The following PACSIN2 variants were observed in gnomAD, a reference collection of about 807,000 sequenced individuals.
PACSIN2 encodes the protein protein kinase C and casein kinase substrate in neurons protein 2.
Under a neutral mutation model 63.8 loss-of-function variants are expected in PACSIN2, and 25 were observed. The ratio of observed to expected loss-of-function variants is 0.39; its 90% CI spans 0.29 to 0.55. The LOEUF (loss-of-function observed/expected upper bound fraction) is 0.55, where lower values mean the gene tolerates loss of function less well. PACSIN2 is among the 20% of genes least tolerant of loss of function. The pLI is 0.62. For synonymous variants in PACSIN2, 255 were observed against 256.2 expected (o/e 1.00, Z 0.05); for missense variants, 518 against 646.9 (o/e 0.80, Z 2.16).
chr22:42,996,990 C>T (rs927214699), intron 1 of PACSIN2, among the ~76,000 whole-genome samples: 1 of 152,172 alleles, frequency 6.6e-6, no homozygotes, highest in Non-Finnish European at 1.5e-5. Flanking sequence ...ATTCTGATAA[C>T]GATTGTGAAG....
Position 42,872,390 on chromosome 22 carries a change from C to G in PACSIN2, c.1349-921G>C, listed in dbSNP as rs548298367. ...CTGCTGGCTCGGACCTCGTCAGGAG[C>G]AAGCAATTGGTGGGAAAGAAATAGT... On this transcript the variant is annotated intron_variant, in intron 10 of 10. Transcript: ENST00000263246. Among the ~76,000 whole-genome samples the G allele has an allele frequency of 5.9e-5, 9 of 152,364 alleles. 1 individual carries two copies. The South Asian group carries it at 1.9e-3, about 32-fold the overall frequency.
intron 1 of PACSIN2, among the ~76,000 whole-genome samples, chr22:42,931,527 C>T (rs562299828): frequency 1.6e-4 from 24 of 152,232 alleles, no homozygotes; most frequent in Non-Finnish European, 1.6e-4. Flanking sequence ...ACACAGTCAG[C>T]GTCAATGGAA....
rs141720754 is a variant in PACSIN2 at position 42,959,254 on chromosome 22, C to G, written c.-77-47097G>C. 3.7e-4 allele frequency among the ~76,000 whole-genome samples: 57 copies of G among 152,252 alleles called. 1 individual carries two copies. The East Asian group carries it at 9.8e-3, about 26-fold the overall frequency. ...AATTTGCTTTCTCTCTCAAGTCCCA[C>G]TTATGTGTTTGTAGATTAGATTTGG... On this transcript the variant is annotated intron_variant, in intron 1 of 10. Coordinates refer to ENST00000263246, the MANE Select transcript of PACSIN2 (RefSeq NM_001184970.3).
rs548016439 is a variant in PACSIN2, at chr22:42,870,928, C to A, written c.*429G>T. On this transcript the variant is annotated 3_prime_UTR_variant, in exon 11 of 11. Coordinates refer to ENST00000263246, the MANE Select transcript of PACSIN2 (RefSeq NM_001184970.3). The stretch of plus-strand genomic sequence containing the variant: ...TATAAAAAAGTATAACTGTACACAG[C>A]CTTTAAATTAAAAACCTCAAAATCT... 5.5e-5 allele frequency: 11 copies of A among 201,398 alleles called. No homozygotes were observed. The South Asian group carries it at 9.4e-4, about 17-fold the overall frequency. The allele number at this position is 201,398 out of a possible 1,614,324, so 12.5% of individuals were successfully genotyped here.
At chr22:42,916,627 C>T (rs1931827878) in intron 1 of PACSIN2, among the ~76,000 whole-genome samples, 1 of 152,116 alleles carries the variant, frequency 6.6e-6, no homozygotes, top group Non-Finnish European at 1.5e-5. Context: ...CCTTTCCTCC[C>T]CCAACTGCTT....
At chr22:43,013,677 A>C (rs1472550983) in intron 1 of PACSIN2, among the ~76,000 whole-genome samples, 2 of 152,222 alleles carry the variant, frequency 1.3e-5, no homozygotes, top group East Asian at 3.8e-4. Flanking sequence ...GCACACGGGA[A>C]TAACCGCAGA....
intron 1 of PACSIN2, among the ~76,000 whole-genome samples, chr22:42,991,155 C>T (rs1237910478): frequency 6.6e-6 from 1 of 152,142 alleles, no homozygotes; most frequent in Non-Finnish European, 1.5e-5. Flanking sequence ...TTTACCACCT[C>T]CTAGGAAGCT....
Position 42,955,320 on chromosome 22 carries a change from C to T in PACSIN2, c.-77-43163G>A, listed in dbSNP as rs979321854. 9.2e-5 allele frequency among the ~76,000 whole-genome samples: 14 copies of T among 152,002 alleles called. No homozygotes were observed. In the South Asian group the frequency reaches 1.5e-3, roughly 16 times the overall value. Reference sequence around the variant, plus strand: ...ATGAACAAACAAACGAACGAACGAACGAAAAAACAAATCAACTGATCCAGC... The same window carrying T: ...ATGAACAAACAAACGAACGAACGAATGAAAAAACAAATCAACTGATCCAGC... On this transcript the variant is annotated intron_variant, in intron 1 of 10. Coordinates refer to ENST00000263246, the MANE Select transcript of PACSIN2 (RefSeq NM_001184970.3).
intron 1 of PACSIN2, among the ~76,000 whole-genome samples, chr22:42,984,804 C>A (rs1421561742): frequency 2.0e-5 from 3 of 152,168 alleles, no homozygotes; most frequent in Non-Finnish European, 4.4e-5. Context: ...GAGCACAGGT[C>A]TTCCTTCTCA....
chr22:42,980,013 C>T (rs530505576), intron 1 of PACSIN2, among the ~76,000 whole-genome samples: 69 of 151,528 alleles, frequency 4.6e-4, no homozygotes, highest in Admixed American at 4.1e-3. Context: ...ATGAAATAAG[C>T]GCATCATTGT....
Position 42,939,070 on chromosome 22 carries a change from C to T in PACSIN2, c.-77-26913G>A, listed in dbSNP as rs115851629. The stretch of plus-strand genomic sequence containing the variant: ...ATCAGCAGCAAAGGTAGGACAGGCC[C>T]CAAGGTCACCCGTCCCAGCGCAGCC... On this transcript the variant is annotated intron_variant, in intron 1 of 10. Coordinates refer to ENST00000263246, the MANE Select transcript of PACSIN2 (RefSeq NM_001184970.3). 2.5e-3 allele frequency among the ~76,000 whole-genome samples: 380 copies of T among 152,316 alleles called. 1 individual carries two copies. Among genetic ancestry groups the T allele is most frequent in the African/African-American group, 8.8e-3 (367 of 41,564 alleles).
intron 5 of PACSIN2, among the ~76,000 whole-genome samples, chr22:42,885,167 C>G (rs1929383717): frequency 6.6e-6 from 1 of 152,202 alleles, no homozygotes; most frequent in Admixed American, 6.5e-5. Flanking sequence ...CAGGTGTGGC[C>G]TATCTCAAGA....
chr22:42,897,652 C>G (rs1930382229), intron 2 of PACSIN2, among the ~76,000 whole-genome samples: 1 of 152,224 alleles, frequency 6.6e-6, no homozygotes, highest in South Asian at 2.1e-4. Context: ...CTTCACTCCC[C>G]TGAGGGACTG....
At chr22:42,917,186 G>A (rs568523181) in intron 1 of PACSIN2, among the ~76,000 whole-genome samples, 1 of 152,328 alleles carries the variant, frequency 6.6e-6, no homozygotes, top group East Asian at 1.9e-4. Context: ...CATACAAAGG[G>A]TTGGAGCTTG....
chr22:42,987,867 G>A (rs1026690847), intron 1 of PACSIN2, among the ~76,000 whole-genome samples: 5 of 151,974 alleles, frequency 3.3e-5, no homozygotes, highest in East Asian at 3.9e-4. Context: ...CAGGCTGGAC[G>A]TAGTGGTTTA....
At chr22:43,010,385 C>CATATATATATATATAT (rs1253098949) in intron 1 of PACSIN2, among the ~76,000 whole-genome samples, 1 of 66,064 alleles carries the variant, frequency 1.5e-5, no homozygotes, top group African/African-American at 5.8e-5. Context: ...TTTAAAAATA[C>CATATATATATATATAT]ATATATATAT....
chr22:42,873,892 C>G (rs1928368852), intron 10 of PACSIN2, among the ~76,000 whole-genome samples: 1 of 151,714 alleles, frequency 6.6e-6, no homozygotes, highest in Admixed American at 6.6e-5. Flanking sequence ...CTCCCAGGTT[C>G]AAGTGATTCT....
chr22:42,909,589 C>T (rs1318070801), intron 2 of PACSIN2: 1 of 471,014 alleles, frequency 2.1e-6, no homozygotes, highest in African/African-American at 2.0e-5. Flanking sequence ...TCAGGGACAG[C>T]ATCACAAGCT....
chr22:43,014,377 C>A (rs1417686469), intron 1 of PACSIN2, among the ~76,000 whole-genome samples: 1 of 19,138 alleles, frequency 5.2e-5, no homozygotes, highest in African/African-American at 2.8e-4. Flanking sequence ...ACCCCCCCCC[C>A]CCCGGGACAC....
Sources: gnomAD v4.1 joint callset for allele counts (sites outside exome capture counted in the v4.1 genomes callset) on GRCh38, gnomAD v4.1.1 for gene constraint, MANE v1.5 for transcripts, NCBI Gene and HGNC (gene_info 2026-07-23, HGNC 2026-07-21) for gene names.